GABRB3: variants seen among roughly 807,000 people sequenced by gnomAD.
GABRB3 encodes the protein gamma-aminobutyric acid receptor subunit beta-3.
A neutral mutation model predicts 52.1 loss-of-function variants in GABRB3; 14 were observed. That is an observed-to-expected ratio of 0.27 (90% confidence interval 0.18 to 0.42). The LOEUF (loss-of-function observed/expected upper bound fraction) is 0.42. Ranked by LOEUF, GABRB3 falls within the 10% of genes least tolerant of loss-of-function variation. The pLI is 1.00. For missense variants in GABRB3, 307 were observed against 609.1 expected (o/e 0.50, Z 5.22); for synonymous variants, 260 against 232.3 (o/e 1.12, Z -1.08).
chr15:26,685,906 G>A (rs1005228469), intron 3 of GABRB3, among the ~76,000 whole-genome samples: 3 of 151,546 alleles, frequency 2.0e-5, no homozygotes, highest in African/African-American at 7.3e-5. Context: ...CTGGGTTCAG[G>A]TGTTCCTCCC....
At chr15:26,615,167 T>C (rs1017964303) in intron 4 of GABRB3, 4 of 503,234 alleles carry the variant, frequency 7.9e-6, no homozygotes, top group Admixed American at 6.4e-5. Flanking sequence ...TTTTTACAAA[T>C]AGAAGAAAAC....
intron 3 of GABRB3, among the ~76,000 whole-genome samples, chr15:26,622,496 G>A (rs1892522946): frequency 6.6e-6 from 1 of 152,154 alleles, no homozygotes; most frequent in African/African-American, 2.4e-5. Flanking sequence ...AGGTTAGGAG[G>A]TAAATTATCC....
chr15:26,586,169 T>C (rs1890976524), intron 4 of GABRB3, among the ~76,000 whole-genome samples: 1 of 151,874 alleles, frequency 6.6e-6, no homozygotes, highest in African/African-American at 2.4e-5. Flanking sequence ...CAGCTAATTT[T>C]TTTGCATTTT....
chr15:26,736,824 C>G (rs1487796914), intron 3 of GABRB3, among the ~76,000 whole-genome samples: 6 of 152,262 alleles, frequency 3.9e-5, no homozygotes, highest in Non-Finnish European at 8.8e-5. Flanking sequence ...TCAATGGCCA[C>G]AGGCCTGGAC....
At chr15:26,674,163 A>G (rs374302748) in intron 3 of GABRB3, among the ~76,000 whole-genome samples, 47 of 151,012 alleles carry the variant, frequency 3.1e-4, no homozygotes, top group African/African-American at 1.1e-3. Context: ...GCACTTTGGG[A>G]GGCCGAGGCG....
rs1300664778 is a variant in GABRB3 at position 26,751,412 on chromosome 15, C to G, written c.240+20990G>C. Among the ~76,000 whole-genome samples, 7 of 152,130 alleles carry G rather than the reference C, an allele frequency of 4.6e-5. No individual in the cohort carries two copies. The East Asian group carries it at 1.4e-3, about 29-fold the overall frequency. On this transcript the variant is annotated intron_variant, in intron 3 of 8. Coordinates refer to ENST00000311550, the MANE Select transcript of GABRB3 (RefSeq NM_000814.6). ...TTCCAAAGGCTACAATTTCCGACTC[C>G]TGAAACACAGCCCAGCAGTAATAAC...
chr15:26,614,032 G>A (rs954725350), intron 4 of GABRB3: 1 of 152,418 alleles, frequency 6.6e-6, no homozygotes, highest in Non-Finnish European at 1.5e-5. Context: ...AGCATGATGA[G>A]GGAGGAGGAA....
intron 3 of GABRB3, among the ~76,000 whole-genome samples, chr15:26,722,256 T>C (rs903026632): frequency 1.3e-5 from 2 of 152,144 alleles, no homozygotes; most frequent in African/African-American, 4.8e-5. Context: ...GTTTCGGGAA[T>C]TGCCAAACTA....
chr15:26,697,485 G>A (rs979015625), intron 3 of GABRB3, among the ~76,000 whole-genome samples: 5 of 152,000 alleles, frequency 3.3e-5, no homozygotes, highest in South Asian at 2.1e-4. Context: ...TGCTGAGAGT[G>A]GCCTGTCTCC....
At chr15:26,739,016 A>C (rs1890134874) in intron 3 of GABRB3, among the ~76,000 whole-genome samples, 2 of 152,298 alleles carry the variant, frequency 1.3e-5, no homozygotes, top group South Asian at 4.1e-4. Context: ...TTCCAACAAC[A>C]ACCCTGATAG....
intron 3 of GABRB3, among the ~76,000 whole-genome samples, chr15:26,688,107 G>A (rs1414060459): frequency 6.6e-6 from 1 of 152,194 alleles, no homozygotes; most frequent in African/African-American, 2.4e-5. Flanking sequence ...TGAGTGGAAA[G>A]CTCAAAATCT....
At chr15:26,694,575 C>A (rs571226671) in intron 3 of GABRB3, among the ~76,000 whole-genome samples, 6 of 152,286 alleles carry the variant, frequency 3.9e-5, no homozygotes, top group Non-Finnish European at 7.4e-5. Context: ...GAACCCCTAG[C>A]CAGATAAATA....
intron 3 of GABRB3, among the ~76,000 whole-genome samples, chr15:26,762,531 A>G (rs896186272): frequency 1.4e-4 from 22 of 152,206 alleles, no homozygotes; most frequent in Non-Finnish European, 2.5e-4. Context: ...AAAGAAAAAA[A>G]AATTTCCAGT....
chr15:26,624,700 T>C, intron 3 of GABRB3: 3 of 983,814 alleles, frequency 3.0e-6, no homozygotes, highest in Non-Finnish European at 3.6e-6. Context: ...CAGCCATGTA[T>C]GGCAAGGACT....
At chr15:26,603,035 G>A (rs1255430051) in intron 4 of GABRB3, among the ~76,000 whole-genome samples, 2 of 151,852 alleles carry the variant, frequency 1.3e-5, no homozygotes, top group East Asian at 3.9e-4. Context: ...TACAAAAAAA[G>A]AGAGGGAAGA....
At chr15:26,754,546 C>G (rs1284283754) in intron 3 of GABRB3, among the ~76,000 whole-genome samples, 1 of 152,138 alleles carries the variant, frequency 6.6e-6, no homozygotes, top group Non-Finnish European at 1.5e-5. Context: ...ATGTTAATAG[C>G]CACTTAACAT....
At position 26,726,027 on chromosome 15, in the gene GABRB3, G is replaced by T. The variant is rs548039476; in HGVS notation, c.240+46375C>A. 6.6e-5 allele frequency among the ~76,000 whole-genome samples: 10 copies of T among 152,270 alleles called. No individual in the cohort carries two copies. The South Asian group carries it at 1.9e-3, about 28-fold the overall frequency. The stretch of plus-strand genomic sequence containing the variant: ...CACATGTGTCATTTTACTCCTCATT[G>T]TGGGTGTGCTACTATGGGGGAAATC... On this transcript the variant is annotated intron_variant, in intron 3 of 8. Coordinates refer to ENST00000311550, the MANE Select transcript of GABRB3 (RefSeq NM_000814.6).
At chr15:26,580,723 G>T in intron 5 of GABRB3, 3 of 525,844 alleles carry the variant, frequency 5.7e-6, no homozygotes. Flanking sequence ...TTTGCGAAGT[G>T]TAACTTCAGA....
chr15:26,747,118 G>A (rs1032708280), intron 3 of GABRB3, among the ~76,000 whole-genome samples: 1 of 152,232 alleles, frequency 6.6e-6, no homozygotes, highest in Non-Finnish European at 1.5e-5. Context: ...TGTGCAGAAT[G>A]TTCCCCCACA....
Sources: gnomAD v4.1 joint callset for allele counts (sites outside exome capture counted in the v4.1 genomes callset) on GRCh38, gnomAD v4.1.1 for gene constraint, MANE v1.5 for transcripts, NCBI Gene and HGNC (gene_info 2026-07-23, HGNC 2026-07-21) for gene names.